The following SLC38A4 variants were observed in gnomAD, a reference collection of about 807,000 sequenced individuals.
SLC38A4 encodes solute carrier family 38 member 4.
In SLC38A4, 20 loss-of-function variants were observed where a neutral mutation model predicts 63.1. The ratio of observed to expected loss-of-function variants is 0.32; its 90% CI spans 0.22 to 0.46. The LOEUF (loss-of-function observed/expected upper bound fraction) is 0.46. Among genes scored for constraint, SLC38A4 ranks in the 20% least tolerant of loss-of-function variants. The pLI is 1.00. For missense variants in SLC38A4, 526 were observed against 663.6 expected (o/e 0.79, Z 2.28); for synonymous variants, 230 against 225.5 (o/e 1.02, Z -0.18).
At chr12:46,821,851 G>C (rs1040332752) in intron 1 of SLC38A4, among the ~76,000 whole-genome samples, 1 of 152,020 alleles carries the variant, frequency 6.6e-6, no homozygotes. Flanking sequence ...TTTATTTTCT[G>C]CTTTAATTTC....
At chr12:46,781,077 C>T (rs899234150) in intron 7 of SLC38A4, among the ~76,000 whole-genome samples, 1 of 152,030 alleles carries the variant, frequency 6.6e-6, no homozygotes, top group Admixed American at 6.6e-5. Context: ...TAATTCCCCA[C>T]ATTGGTTAGT....
chr12:46,800,490 T>G (rs1592189269), intron 2 of SLC38A4, among the ~76,000 whole-genome samples: 1 of 151,984 alleles, frequency 6.6e-6, no homozygotes, highest in African/African-American at 2.4e-5. Flanking sequence ...TCCCTCTGCT[T>G]GGACTGCCAT....
At chr12:46,773,251 A>G (rs942140428) in intron 14 of SLC38A4, among the ~76,000 whole-genome samples, 1 of 151,568 alleles carries the variant, frequency 6.6e-6, no homozygotes. Context: ...ATTTCAAGAC[A>G]AAGCAAGATT....
In SLC38A4 at chr12:46,791,951, A is replaced by C. The variant is rs1413433034; in HGVS notation, c.119+1002T>G. Among the ~76,000 whole-genome samples, 6 of 152,106 alleles carry C rather than the reference A, an allele frequency of 3.9e-5. No homozygotes were observed. The South Asian group carries it at 8.3e-4, about 21-fold the overall frequency. ...AAGGCAACAAGTAACAAATAGGGAG[A>C]GGGCAAAAAACAGGACAGGAGGGGC... On this transcript the variant is annotated intron_variant, in intron 3 of 16. Coordinates refer to ENST00000266579, the MANE Select transcript of SLC38A4 (RefSeq NM_018018.5).
chr12:46,771,523 T>A (rs1038197707), intron 14 of SLC38A4, among the ~76,000 whole-genome samples: 6 of 152,000 alleles, frequency 3.9e-5, no homozygotes, highest in African/African-American at 1.4e-4. Flanking sequence ...TGATATGAGA[T>A]CACAGAAAGT....
At chr12:46,783,509 A>G (rs1463139214) in intron 7 of SLC38A4, among the ~76,000 whole-genome samples, 2 of 152,090 alleles carry the variant, frequency 1.3e-5, no homozygotes, top group East Asian at 3.9e-4. Flanking sequence ...CAGGAAGACC[A>G]GTTAGAAGAC....
In SLC38A4 at chr12:46,793,100, C is replaced by T. The variant is rs780395639; in HGVS notation, c.-29G>A. ...AGCTGTCAGCGCTTTCTTGTCCACA[C>T]ACAAGCCCCTTCAGTGTAAATAATA... On this transcript the variant is annotated 5_prime_UTR_variant, in exon 3 of 17. It adds an upstream start codon to the 5' untranslated region. Coordinates refer to ENST00000266579, the MANE Select transcript of SLC38A4 (RefSeq NM_018018.5). 7.3e-6 allele frequency: 11 copies of T among 1,506,076 alleles called. No homozygotes were observed. The South Asian group carries it at 9.0e-5, about 12-fold the overall frequency. The allele number at this position is 1,506,076 out of a possible 1,614,324, so 93.3% of individuals were successfully genotyped here. A position where few individuals can be genotyped will look rare whatever the true frequency, so the allele number is the denominator to read the frequency against.
At chr12:46,779,691 T>C in intron 9 of SLC38A4, 22 bp from the exon 10 acceptor site, 2 of 1,599,230 alleles carry the variant, frequency 1.3e-6, no homozygotes, top group Non-Finnish European at 1.7e-6. Flanking sequence ...AAGAAGCATT[T>C]TGGAAGGTGA....
At chr12:46,831,159 C>T (rs1939726255) in intron 1 of SLC38A4, among the ~76,000 whole-genome samples, 1 of 152,202 alleles carries the variant, frequency 6.6e-6, no homozygotes, top group Admixed American at 6.5e-5. Flanking sequence ...CGGCACCTGC[C>T]CTGGCCCAGA....
intron 1 of SLC38A4, among the ~76,000 whole-genome samples, chr12:46,810,915 G>A (rs1939327350): frequency 6.6e-6 from 1 of 151,942 alleles, no homozygotes; most frequent in South Asian, 2.1e-4. Flanking sequence ...GCATTTATGA[G>A]CTATTTAGAA....
intron 1 of SLC38A4, among the ~76,000 whole-genome samples, chr12:46,811,203 A>G (rs1309057940): frequency 6.6e-6 from 1 of 151,966 alleles, no homozygotes; most frequent in Non-Finnish European, 1.5e-5. Flanking sequence ...AAAAGACCCA[A>G]TCTCTCCTCT....
intron 13 of SLC38A4, among the ~76,000 whole-genome samples, chr12:46,776,412 A>C (rs751070919): frequency 6.6e-6 from 1 of 152,050 alleles, no homozygotes; most frequent in Non-Finnish European, 1.5e-5. Context: ...TTAGTATAAC[A>C]AAATAGAATG....
Position 46,788,580 on chromosome 12 carries a change from A to C in SLC38A4, c.158T>G (p.Leu53Arg). The C allele has an allele frequency of 6.2e-7, 1 of 1,613,734 alleles. No homozygotes were observed. The highest frequency in any genetic ancestry group is 1.1e-5 in the South Asian group (1 of 91,078). Residue 53 changes from leucine (L) to arginine (R), a missense_variant, in exon 4 of 17, where the codon CTG (leucine) becomes CGG (arginine). Leu to Arg is a moderately radical substitution (Grantham distance 102). Transcript: ENST00000266579. ...CTTTTTCCCCAAAAATCCATTTGTC[A>C]GGAATTTCTGACTTTCAGTGTCTTC... is the stretch of plus-strand genomic sequence containing the variant. ...ANEDTESQKF[L>R]TNGFLGKKKL...
intron 1 of SLC38A4, among the ~76,000 whole-genome samples, chr12:46,821,447 C>T (rs1410447826): frequency 1.3e-5 from 2 of 151,970 alleles, no homozygotes; most frequent in Admixed American, 1.3e-4. Context: ...TCTTGGGACC[C>T]TTGTTGAAGA....
chr12:46,792,930 C>T (rs1938920403), intron 3 of SLC38A4, 23 bp downstream of exon 3: 1 of 1,541,052 alleles, frequency 6.5e-7, no homozygotes, highest in Non-Finnish European at 9.0e-7. Context: ...TTCCATGGAA[C>T]ATAGTAATTT....
intron 7 of SLC38A4, among the ~76,000 whole-genome samples, chr12:46,782,996 C>G (rs12319423): frequency 3.9e-5 from 5 of 126,778 alleles, no homozygotes; most frequent in African/African-American, 1.5e-4. Flanking sequence ...AGCAATAGAC[C>G]AGGTGAGCAG....
intron 16 of SLC38A4, 76 bp from the exon 17 acceptor site, chr12:46,766,878 T>A: frequency 2.1e-6 from 2 of 942,340 alleles, no homozygotes; most frequent in Non-Finnish European, 3.3e-6. Flanking sequence ...GTTTACATAA[T>A]ATGGCAATCT....
In SLC38A4 at chr12:46,785,162, A is replaced by G. The variant is rs1341688050; in HGVS notation, c.342T>C (p.Ala114=). The change falls in exon 6 of 17, where the codon GCT becomes GCC. Residue 114 remains alanine (A), a synonymous_variant. Transcript: ENST00000266579. The stretch of plus-strand genomic sequence containing the variant: ...CTGAATACAGTGATAATATTGCCAC[A>G]GCAAGCAGCATGATTCTGCAAAGGG... ...GIILFIIMLL[A]VAILSLYSVH... The G allele has an allele frequency of 6.2e-7, 1 of 1,612,584 alleles. No homozygotes were observed. The highest frequency in any genetic ancestry group is 2.2e-5 in the East Asian group (1 of 44,826).
chr12:46,776,841 C>A, intron 13 of SLC38A4, 63 bp downstream of exon 13: 1 of 1,418,040 alleles, frequency 7.1e-7, no homozygotes, highest in South Asian at 1.2e-5. Context: ...ATCATACCTA[C>A]CCAGGTCAAG....
Sources: allele counts gnomAD v4.1 joint callset (sites outside exome capture counted in the v4.1 genomes callset), GRCh38; gene constraint gnomAD v4.1.1; transcripts MANE v1.5; gene names NCBI Gene and HGNC (gene_info 2026-07-23, HGNC 2026-07-21).